The following ADGRB3 variants were observed in gnomAD, a reference collection of about 807,000 sequenced individuals.
The protein encoded by ADGRB3 is brain-specific angiogenesis inhibitor 3.
Under a neutral mutation model 193.4 loss-of-function variants are expected in ADGRB3, and 37 were observed. The observed-to-expected ratio is 0.19, with a 90% CI of 0.15 to 0.25. The LOEUF (loss-of-function observed/expected upper bound fraction) is 0.25, where lower values mean the gene tolerates loss of function less well. Ranked by LOEUF, ADGRB3 falls within the 10% of genes least tolerant of loss-of-function variation. The pLI is 1.00. For missense variants in ADGRB3, 1,637 were observed against 1,852.9 expected (o/e 0.88, Z 2.14); for synonymous variants, 690 against 644.2 (o/e 1.07, Z -1.08).
At chr6:68,858,614 C>G (rs1253299026) in intron 3 of ADGRB3, among the ~76,000 whole-genome samples, 1 of 129,134 alleles carries the variant, frequency 7.7e-6, no homozygotes, top group African/African-American at 3.1e-5. Context: ...AAAAAAAACA[C>G]AGCATAAATA....
At chr6:69,043,312 G>GAAAGAAAGAAAGAAAGAAAGA (rs1771136038) in intron 13 of ADGRB3, among the ~76,000 whole-genome samples, 2 of 150,468 alleles carry the variant, frequency 1.3e-5, no homozygotes, top group Admixed American at 6.6e-5. Flanking sequence ...AAGAAAGAAA[G>GAAAGAAAGAAAGAAAGAAAGA]AAAGAAAGAA....
chr6:69,361,231 C>A lies in ADGRB3; in HGVS notation c.3958C>A (p.Pro1320Thr). The part of the protein sequence containing the change: ...VMPRSSVNNQ[P>T]SMKEESKMNI... ...GCCCAGAAGTTCTGTAAATAACCAG[C>A]CTTCAATGAAAGAAGAAAGCAAAAT... Residue 1320 changes from proline to threonine, a missense_variant, in exon 29 of 32, where the codon CCT (proline) becomes ACT (threonine). Transcript: ENST00000370598. The A allele has an allele frequency of 1.9e-6, 3 of 1,612,676 alleles. No homozygotes were observed. The highest frequency in any genetic ancestry group is 2.5e-6 in the Non-Finnish European group (3 of 1,179,280).
chr6:68,915,182 G>A (rs766617407), intron 3 of ADGRB3, among the ~76,000 whole-genome samples: 11 of 151,946 alleles, frequency 7.2e-5, no homozygotes, highest in Non-Finnish European at 1.6e-4. Flanking sequence ...AATTTTTTTT[G>A]AGTCCCAGAT....
chr6:68,872,041 G>C (rs1375663273), intron 3 of ADGRB3, among the ~76,000 whole-genome samples: 1 of 72,930 alleles, frequency 1.4e-5, no homozygotes, highest in African/African-American at 3.9e-5. Context: ...TTGTGATTAA[G>C]TTATAAATTA....
intron 17 of ADGRB3, among the ~76,000 whole-genome samples, chr6:69,105,205 A>G (rs1363685965): frequency 6.6e-6 from 1 of 152,168 alleles, no homozygotes; most frequent in Non-Finnish European, 1.5e-5. Context: ...TTCCCTGGAA[A>G]TTCCATCTAC....
At position 68,909,352 on chromosome 6, in the gene ADGRB3, A is replaced by T. The variant is rs1766636114; in HGVS notation, c.758-21207A>T. ...ATTTACTTTTAGTATCGTAGGACAA[A>T]CAACATTGCTTTTAACACAAACATA... On this transcript the variant is annotated intron_variant, in intron 3 of 31. Transcript: ENST00000370598. Among the ~76,000 whole-genome samples the T allele has an allele frequency of 2.6e-5, 4 of 152,218 alleles. No homozygotes were observed. The South Asian group carries it at 8.3e-4, about 31-fold the overall frequency.
intron 20 of ADGRB3, among the ~76,000 whole-genome samples, chr6:69,242,045 G>C (rs968701827): frequency 6.6e-6 from 1 of 151,670 alleles, no homozygotes; most frequent in Non-Finnish European, 1.5e-5. Flanking sequence ...CATTTTCTAG[G>C]GGAAATAATC....
At chr6:69,069,869 CAAT>C in intron 16 of ADGRB3, among the ~76,000 whole-genome samples, 1 of 151,580 alleles carries the variant, frequency 6.6e-6, no homozygotes, top group African/African-American at 2.4e-5. Context: ...TAGTTATATA[CAAT>C]AATAACAATC....
At chr6:68,646,501 G>T (rs377296495) in intron 3 of ADGRB3, among the ~76,000 whole-genome samples, 1 of 147,304 alleles carries the variant, frequency 6.8e-6, no homozygotes, top group Non-Finnish European at 1.5e-5. Context: ...AAAGAAAAAA[G>T]AAAAAAAGAT....
At chr6:68,808,725 A>G (rs1046896586) in intron 3 of ADGRB3, among the ~76,000 whole-genome samples, 1 of 140,220 alleles carries the variant, frequency 7.1e-6, no homozygotes, top group Admixed American at 7.3e-5. Flanking sequence ...AAAGAAGAGG[A>G]GGAGAGAAAA....
intron 3 of ADGRB3, among the ~76,000 whole-genome samples, chr6:68,846,488 G>T (rs1226239723): frequency 6.6e-6 from 1 of 152,212 alleles, no homozygotes; most frequent in Non-Finnish European, 1.5e-5. Flanking sequence ...CATGGGCAAG[G>T]CCCAGGGGCC....
intron 28 of ADGRB3, among the ~76,000 whole-genome samples, chr6:69,358,360 C>A (rs534766959): frequency 1.3e-5 from 2 of 152,008 alleles, no homozygotes; most frequent in South Asian, 2.1e-4. Flanking sequence ...CTGTATTAGA[C>A]CATCCTCCTC....
intron 16 of ADGRB3, among the ~76,000 whole-genome samples, chr6:69,068,601 C>A (rs189641121): frequency 2.0e-5 from 3 of 152,098 alleles, no homozygotes; most frequent in Non-Finnish European, 4.4e-5. Flanking sequence ...CATGTAAAAA[C>A]GTCCTGATGA....
At chr6:69,119,441 C>G (rs569427912) in intron 17 of ADGRB3, among the ~76,000 whole-genome samples, 1 of 151,938 alleles carries the variant, frequency 6.6e-6, no homozygotes, top group Non-Finnish European at 1.5e-5. Flanking sequence ...AATAAATAAG[C>G]AGATTATATT....
intron 20 of ADGRB3, among the ~76,000 whole-genome samples, chr6:69,286,641 G>A (rs1296103179): frequency 6.6e-6 from 1 of 152,174 alleles, no homozygotes; most frequent in Non-Finnish European, 1.5e-5. Flanking sequence ...CAAAATATTA[G>A]ATCAGGGAGA....
At position 68,936,665 on chromosome 6, in the gene ADGRB3, A is replaced by G. The variant is rs2150248367; in HGVS notation, c.1015A>G (p.Thr339Ala). Residue 339 changes from threonine (T) to alanine (A), a missense_variant, in exon 5 of 32, where the codon ACT becomes GCT. By Grantham distance (58) the Thr-to-Ala change is moderately conservative. Transcript: ENST00000370598. ...AAGAGAATCAAGGGTTTGCAATAAC[A>G]CTGCCCTCTGTCCAGGTAGTGTTAG... ...PLRESRVCNN[T>A]ALCPVHGVWE... 1 of 1,613,184 alleles carries G rather than the reference A, an allele frequency of 6.2e-7. No homozygotes were observed. Among genetic ancestry groups the G allele is most frequent in the African/African-American group, 1.3e-5 (1 of 75,032 alleles).
chr6:69,137,622 C>A (rs1330684845), intron 17 of ADGRB3, among the ~76,000 whole-genome samples: 1 of 151,936 alleles, frequency 6.6e-6, no homozygotes, highest in Non-Finnish European at 1.5e-5. Context: ...TATGATGAAA[C>A]CCCATCTCTA....
chr6:68,995,031 G>T (rs1769345121), intron 11 of ADGRB3, among the ~76,000 whole-genome samples: 1 of 152,118 alleles, frequency 6.6e-6, no homozygotes, highest in African/African-American at 2.4e-5. Flanking sequence ...ACTGCTGAAA[G>T]AAACTGCTAC....
chr6:69,218,198 A>C (rs184693060), intron 17 of ADGRB3, among the ~76,000 whole-genome samples: 3 of 152,198 alleles, frequency 2.0e-5, no homozygotes, highest in Non-Finnish European at 2.9e-5. Context: ...AAGTATGTAC[A>C]ATTGAATATG....
Sources: gnomAD v4.1 joint callset for allele counts (sites outside exome capture counted in the v4.1 genomes callset) on GRCh38, gnomAD v4.1.1 for gene constraint, MANE v1.5 for transcripts, NCBI Gene and HGNC (gene_info 2026-07-23, HGNC 2026-07-21) for gene names.